The following AUTS2 variants were observed in gnomAD, a reference collection of about 807,000 sequenced individuals.
The protein encoded by AUTS2 is activator of transcription and developmental regulator AUTS2.
Under a neutral mutation model 112.4 loss-of-function variants are expected in AUTS2, and 17 were observed. That is an observed-to-expected ratio of 0.15 (90% CI 0.10 to 0.23). The LOEUF is 0.23. Among genes scored for constraint, AUTS2 ranks in the 10% least tolerant of loss-of-function variants. AUTS2 has a pLI of 1.00. For missense variants in AUTS2, 1,510 were observed against 1,701.6 expected, an observed-to-expected ratio of 0.89 and a Z score of 1.98; for synonymous variants, 751 against 702.7, an observed-to-expected ratio of 1.07 and a Z score of -1.09.
chr7:69,839,453 A>C (rs1050741330), intron 1 of AUTS2, among the ~76,000 whole-genome samples: 4 of 152,146 alleles, frequency 2.6e-5, no homozygotes, highest in Non-Finnish European at 4.4e-5. Flanking sequence ...ATATGTATAG[A>C]TCAAGTAGGC....
chr7:69,783,607 A>C (rs1348811660), intron 1 of AUTS2, among the ~76,000 whole-genome samples: 1 of 152,110 alleles, frequency 6.6e-6, no homozygotes, highest in Non-Finnish European at 1.5e-5. Flanking sequence ...CTATTAGGGA[A>C]GGACTTCCTG....
At chr7:70,025,126 A>G (rs1800455925) in intron 2 of AUTS2, among the ~76,000 whole-genome samples, 1 of 152,174 alleles carries the variant, frequency 6.6e-6, no homozygotes, top group Admixed American at 6.5e-5. Flanking sequence ...TCATTATAGC[A>G]TCTACCAGTA....
intron 1 of AUTS2, among the ~76,000 whole-genome samples, chr7:69,714,395 A>G (rs920983056): frequency 6.6e-6 from 1 of 152,056 alleles, no homozygotes; most frequent in Non-Finnish European, 1.5e-5. Flanking sequence ...GGTATGAGCC[A>G]CTACACCCAG....
In AUTS2 at chr7:70,088,859, G is replaced by C. The variant is rs571028853; in HGVS notation, c.523-29273G>C. 2.0e-5 allele frequency among the ~76,000 whole-genome samples: 3 copies of C among 152,062 alleles called. No homozygotes were observed. The East Asian group carries it at 5.8e-4, about 29-fold the overall frequency. On this transcript the variant is annotated intron_variant, in intron 2 of 18. Transcript: ENST00000342771. Reference sequence around the variant, plus strand: ...ACCGCGCCTGTCCGAGACCCATCTTGCTTTCTAATACAGTTTAATGCTATT... The same window carrying C: ...ACCGCGCCTGTCCGAGACCCATCTTCCTTTCTAATACAGTTTAATGCTATT...
At chr7:70,494,344 T>C (rs1798364561) in intron 5 of AUTS2, among the ~76,000 whole-genome samples, 1 of 152,196 alleles carries the variant, frequency 6.6e-6, no homozygotes, top group Non-Finnish European at 1.5e-5. Flanking sequence ...CAGAGTTTTA[T>C]GTCTTTTTAT....
chr7:70,623,346 G>A (rs1258471165), intron 5 of AUTS2, among the ~76,000 whole-genome samples: 1 of 152,206 alleles, frequency 6.6e-6, no homozygotes, highest in Non-Finnish European at 1.5e-5. Context: ...GGTAGGTTAT[G>A]AGTAATGTCT....
chr7:69,963,222 A>C (rs1005448217), intron 2 of AUTS2, among the ~76,000 whole-genome samples: 4 of 152,156 alleles, frequency 2.6e-5, no homozygotes, highest in Non-Finnish European at 5.9e-5. Context: ...TATTAATAAT[A>C]ATAATAAGAG....
chr7:70,268,342 C>T (rs1425622046), intron 4 of AUTS2, among the ~76,000 whole-genome samples: 3 of 152,218 alleles, frequency 2.0e-5, no homozygotes, highest in African/African-American at 7.2e-5. Context: ...CTCCACATAT[C>T]AGCCCATCTT....
Position 70,790,307 on chromosome 7 carries a change from A to G in AUTS2, c.3091A>G (p.Ile1031Val), listed in dbSNP as rs1443083015. Residue 1031 changes from isoleucine to valine, a missense_variant, in exon 19 of 19, where the codon ATT becomes GTT. This residue lies in a region of AUTS2 where 788 missense variants were observed against 797.6 expected (regional missense o/e 0.99). Transcript: ENST00000342771. This position sits in a 1 kb window ranked among gnomAD's most constrained non-coding sequence, Gnocchi z 7.6. ...GCCCATGACGGTGGGGGTGACGGGC[A>G]TTCACCCCATGAACAGCATCAGCAG... ...SMPMTVGVTGIHPMNSISSLD... is the reference protein window; with the variant it reads ...SMPMTVGVTGVHPMNSISSLD... The G allele has an allele frequency of 6.2e-7, 1 of 1,613,554 alleles. No individual in the cohort carries two copies. Among genetic ancestry groups the G allele is most frequent in the Non-Finnish European group, 8.5e-7 (1 of 1,179,970 alleles).
chr7:70,672,786 A>C (rs10261271), intron 5 of AUTS2, among the ~76,000 whole-genome samples: 303 of 152,060 alleles, frequency 2.0e-3, no homozygotes, highest in African/African-American at 7.1e-3. Flanking sequence ...TATTTTTAGT[A>C]GAGACGGGGT....
chr7:70,139,987 G>A (rs1379824718), intron 4 of AUTS2, among the ~76,000 whole-genome samples: 1 of 152,088 alleles, frequency 6.6e-6, no homozygotes, highest in Non-Finnish European at 1.5e-5. Flanking sequence ...GGTGACAAGA[G>A]CGAGATCTCA....
chr7:69,838,022 G>A (rs1396135215), intron 1 of AUTS2, among the ~76,000 whole-genome samples: 1 of 152,150 alleles, frequency 6.6e-6, no homozygotes, highest in East Asian at 1.9e-4. Context: ...CAAGGCTCAT[G>A]TTCTAGATGG....
At chr7:69,600,772 C>G (rs1484913308) in intron 1 of AUTS2, among the ~76,000 whole-genome samples, 1 of 152,032 alleles carries the variant, frequency 6.6e-6, no homozygotes, top group Non-Finnish European at 1.5e-5. Flanking sequence ...CCAGGGAAGA[C>G]TGGTGGGAGG....
chr7:70,705,111 A>C (rs1809665305), intron 6 of AUTS2, among the ~76,000 whole-genome samples: 2 of 152,362 alleles, frequency 1.3e-5, no homozygotes, highest in African/African-American at 4.8e-5. Flanking sequence ...ACAGGCAAGC[A>C]GCAATAAGTT....
chr7:70,021,118 G>A (rs1215821082), intron 2 of AUTS2, among the ~76,000 whole-genome samples: 2 of 152,140 alleles, frequency 1.3e-5, no homozygotes, highest in Non-Finnish European at 2.9e-5. Context: ...GAGTAGCTGG[G>A]ATTACAGGCA....
intron 2 of AUTS2, among the ~76,000 whole-genome samples, chr7:70,092,463 A>T (rs1194319001): frequency 1.3e-5 from 2 of 152,182 alleles, no homozygotes; most frequent in Non-Finnish European, 2.9e-5. Context: ...CTGCCAATAC[A>T]CTGGCAGCAA....
intron 3 of AUTS2, chr7:70,119,619 C>T (rs1466125592): frequency 2.0e-5 from 3 of 151,270 alleles, no homozygotes; most frequent in Non-Finnish European, 4.4e-5. Flanking sequence ...ACCTCAACCT[C>T]CCAAAGTGCT....
At chr7:69,755,557 C>T (rs879850196) in intron 1 of AUTS2, among the ~76,000 whole-genome samples, 1 of 152,114 alleles carries the variant, frequency 6.6e-6, no homozygotes, top group Non-Finnish European at 1.5e-5. Flanking sequence ...GGTCTGACAT[C>T]GCTGTTGTTT....
At chr7:69,818,988 C>A (rs1790875074) in intron 1 of AUTS2, among the ~76,000 whole-genome samples, 1 of 152,146 alleles carries the variant, frequency 6.6e-6, no homozygotes, top group Non-Finnish European at 1.5e-5. Flanking sequence ...GTGCCCCTCA[C>A]CTTTGTTTTC....
Sources: gnomAD v4.1 joint callset for allele counts (sites outside exome capture counted in the v4.1 genomes callset) on GRCh38, gnomAD v4.1.1 for gene constraint, gnomAD v4.1.1 regional missense constraint, Gnocchi (gnomAD v3.1) non-coding constraint, MANE v1.5 for transcripts, NCBI Gene and HGNC (gene_info 2026-07-23, HGNC 2026-07-21) for gene names.